Variants in FAM89A observed in about 807,000 individuals in gnomAD.
The protein encoded by FAM89A is protein FAM89A.
Under a neutral mutation model 7.1 loss-of-function variants are expected in FAM89A, and 10 were observed. The observed-to-expected ratio is 1.40, with a 90% CI of 0.86 to 2.38. The LOEUF is 2.38. FAM89A is among the 30% of genes most tolerant of loss of function. FAM89A has a pLI of 0.00. For missense variants in FAM89A, 276 were observed against 262.8 expected (o/e 1.05, Z -0.35); for synonymous variants, 157 against 129.3 (o/e 1.21, Z -1.45).
intron 1 of FAM89A, among the ~76,000 whole-genome samples, chr1:231,022,438 G>C (rs1484485771): frequency 6.6e-6 from 1 of 152,146 alleles, no homozygotes; most frequent in Non-Finnish European, 1.5e-5. Flanking sequence ...AGGCACACTG[G>C]GAATCGTGGT....
intron 1 of FAM89A, among the ~76,000 whole-genome samples, chr1:231,034,020 T>C (rs777336598): frequency 3.3e-5 from 5 of 152,206 alleles, no homozygotes; most frequent in Admixed American, 1.3e-4. Context: ...ATGGGACAAG[T>C]ACAGGGTAGC....
chr1:231,024,423 C>T (rs116435669), intron 1 of FAM89A, among the ~76,000 whole-genome samples: 7,202 of 151,972 alleles, frequency 0.047, 206 homozygotes, highest in Middle Eastern at 0.1. Context: ...TCTTCATACC[C>T]TCCAACTTTT....
chr1:231,035,034 A>G (rs1220363981), intron 1 of FAM89A, among the ~76,000 whole-genome samples: 1 of 152,178 alleles, frequency 6.6e-6, no homozygotes, highest in Non-Finnish European at 1.5e-5. Context: ...GAATCCCCTT[A>G]TTCTAAATGG....
Position 231,040,154 on chromosome 1 carries a change from G to T in FAM89A, c.58C>A (p.Arg20=). Residue 20 remains arginine (R), a synonymous_variant, in exon 1 of 2, where the codon CGG becomes AGG. Transcript: ENST00000366654. ...AAGNGAVRGL[R]VDGLPPLPKS... is the part of the protein sequence containing the mutation. ...GGCAGCGGGGGCAGCCCGTCCACCC[G>T]CAGCCCCCGGACCGCGCCGTTGCCC... The T allele has an allele frequency of 2.3e-6, 3 of 1,298,578 alleles. No individual in the cohort carries two copies. The highest frequency in any genetic ancestry group is 3.0e-6 in the Non-Finnish European group (3 of 1,016,362). The allele number at this position is 1,298,578 out of a possible 1,614,324, so 80.4% of individuals were successfully genotyped here.
At chr1:231,036,531 C>T (rs1680157176) in intron 1 of FAM89A, among the ~76,000 whole-genome samples, 1 of 152,056 alleles carries the variant, frequency 6.6e-6, no homozygotes, top group Non-Finnish European at 1.5e-5. Flanking sequence ...GGGACGAGGA[C>T]TTACGAGTAG....
chr1:231,028,168 G>A (rs1289713562), intron 1 of FAM89A, among the ~76,000 whole-genome samples: 4 of 152,292 alleles, frequency 2.6e-5, no homozygotes, highest in Non-Finnish European at 4.4e-5. Context: ...TGCATCCCTC[G>A]GGCAGTCACA....
chr1:231,021,397 G>T (rs1258821883), intron 1 of FAM89A, among the ~76,000 whole-genome samples: 1 of 143,116 alleles, frequency 7.0e-6, no homozygotes, highest in African/African-American at 2.5e-5. Flanking sequence ...GCTGGAGAAG[G>T]AGCTTCTTCT....
intron 1 of FAM89A, chr1:231,021,626 C>T (rs941364965): frequency 2.7e-5 from 42 of 1,531,138 alleles, no homozygotes; most frequent in African/African-American, 2.6e-4. Context: ...TACAAGAAAG[C>T]GTCGAGGTGG....
chr1:231,031,236 G>A (rs925167982), intron 1 of FAM89A, among the ~76,000 whole-genome samples: 1 of 152,176 alleles, frequency 6.6e-6, no homozygotes, highest in Non-Finnish European at 1.5e-5. Context: ...TGTTTTGGTT[G>A]AAGTAAATGA....
At chr1:231,030,776 T>C (rs1488822939) in intron 1 of FAM89A, among the ~76,000 whole-genome samples, 3 of 152,226 alleles carry the variant, frequency 2.0e-5, no homozygotes, top group Non-Finnish European at 2.9e-5. Flanking sequence ...GGGTTATACC[T>C]ATCAATATTT....
intron 1 of FAM89A, among the ~76,000 whole-genome samples, chr1:231,025,482 A>G (rs773326182): frequency 4.7e-4 from 71 of 152,092 alleles, no homozygotes; most frequent in Non-Finnish European, 9.9e-4. Flanking sequence ...CCAGTACTGT[A>G]CTCAGGAGCA....
intron 1 of FAM89A, among the ~76,000 whole-genome samples, chr1:231,036,061 G>A (rs4075892): frequency 0.39 from 59,367 of 152,002 alleles, 11,686 homozygotes; most frequent in East Asian, 0.55. Flanking sequence ...AAAATGGAGG[G>A]AAAAAACAAA....
At position 231,019,296 on chromosome 1, in the gene FAM89A, A is replaced by G. The variant is rs1679828581; in HGVS notation, c.*567T>C. On this transcript the variant is annotated 3_prime_UTR_variant, in exon 2 of 2. Transcript: ENST00000366654. ...AGCCAGTTGATTGGGATGACTAGAA[A>G]TGTTAACTTTTTCAGTAAAAAGCTT... is the stretch of plus-strand genomic sequence containing the variant. 1 of 152,188 alleles carries G rather than the reference A, an allele frequency of 6.6e-6. No homozygotes were observed. The highest frequency in any genetic ancestry group is 6.5e-5 in the Admixed American group (1 of 15,276). The allele number at this position is 152,188 out of a possible 1,614,324, so 9.4% of individuals were successfully genotyped here.
intron 1 of FAM89A, among the ~76,000 whole-genome samples, chr1:231,036,045 G>C (rs1038444649): frequency 1.3e-5 from 2 of 152,180 alleles, no homozygotes; most frequent in Non-Finnish European, 2.9e-5. Flanking sequence ...TTAGAGGCCA[G>C]GTTCCAAAAT....
intron 1 of FAM89A, among the ~76,000 whole-genome samples, chr1:231,036,397 T>C (rs1680155639): frequency 6.6e-6 from 1 of 152,154 alleles, no homozygotes; most frequent in Non-Finnish European, 1.5e-5. Flanking sequence ...TTAAACGTGA[T>C]CTAAAGATAT....
chr1:231,036,322 A>G (rs971695255), intron 1 of FAM89A, among the ~76,000 whole-genome samples: 5 of 152,184 alleles, frequency 3.3e-5, no homozygotes, highest in African/African-American at 1.2e-4. Context: ...ACATCTAGAT[A>G]TTTCCTATTC....
intron 1 of FAM89A, among the ~76,000 whole-genome samples, chr1:231,028,897 G>A (rs944899036): frequency 2.0e-5 from 3 of 152,112 alleles, no homozygotes; most frequent in East Asian, 1.9e-4. Context: ...GGCCAAACAA[G>A]CCCAAACCAC....
At chr1:231,023,115 T>A (rs1035114690) in intron 1 of FAM89A, among the ~76,000 whole-genome samples, 1 of 150,960 alleles carries the variant, frequency 6.6e-6, no homozygotes, top group Non-Finnish European at 1.5e-5. Flanking sequence ...GCAGTAATTG[T>A]GGCCTTATCA....
At chr1:231,023,399 G>A (rs7513637) in intron 1 of FAM89A, among the ~76,000 whole-genome samples, 8,258 of 152,272 alleles carry the variant, frequency 0.054, 258 homozygotes, top group Middle Eastern at 0.1. Context: ...GACAGCACAG[G>A]GCCTGGCGGT....
Sources: allele counts gnomAD v4.1 joint callset (sites outside exome capture counted in the v4.1 genomes callset), GRCh38; gene constraint gnomAD v4.1.1; transcripts MANE v1.5; gene names NCBI Gene and HGNC (gene_info 2026-07-23, HGNC 2026-07-21).